PMPCB: variants seen among roughly 807,000 people sequenced by gnomAD.
PMPCB encodes mitochondrial-processing peptidase subunit beta.
In PMPCB, 46 loss-of-function variants were observed where a neutral mutation model predicts 61.5. The ratio of observed to expected loss-of-function variants is 0.75; its 90% CI spans 0.59 to 0.96. The LOEUF (loss-of-function observed/expected upper bound fraction) is 0.96. Among genes scored for constraint, PMPCB ranks in the 40% least tolerant of loss-of-function variants. The pLI is 0.00. For synonymous variants in PMPCB, 191 were observed against 201.6 expected, an observed-to-expected ratio of 0.95 and a Z score of 0.44; for missense variants, 590 against 602.4, an observed-to-expected ratio of 0.98 and a Z score of 0.22.
chr7:103,326,720 C>G, intron 12 of PMPCB: 1 of 1,561,640 alleles, frequency 6.4e-7, no homozygotes, highest in Non-Finnish European at 8.6e-7. Flanking sequence ...ATCACCATAA[C>G]TTTACCTATT....
chr7:103,330,292 AT>A (rs943691004), downstream of PMPCB, among the ~76,000 whole-genome samples: 32 of 147,858 alleles, frequency 2.2e-4, no homozygotes, highest in Non-Finnish European at 2.0e-4. Flanking sequence ...TTGTTATTTT[AT>A]TTTTTTTTTT....
intron 12 of PMPCB, chr7:103,327,278 T>C: frequency 9.6e-6 from 10 of 1,042,248 alleles, no homozygotes; most frequent in Non-Finnish European, 1.3e-5. Context: ...ATAAAGCATC[T>C]GAAACGAAAA....
At chr7:103,326,168 G>T (rs1818695106) in intron 12 of PMPCB, among the ~76,000 whole-genome samples, 1 of 151,948 alleles carries the variant, frequency 6.6e-6, no homozygotes, top group African/African-American at 2.4e-5. Context: ...AGTAGAGACA[G>T]GGTTTCACCA....
chr7:103,297,733 T>C (rs528959448), intron 1 of PMPCB, 175 bp downstream of exon 1: 4 of 1,534,168 alleles, frequency 2.6e-6, no homozygotes, highest in East Asian at 4.9e-5. Flanking sequence ...GACTGGCTTG[T>C]GGCCACCCGC....
At chr7:103,329,046 C>T (rs533650965) in exon 13 of PMPCB, 40 of 1,198,474 alleles carry the variant, frequency 3.3e-5, no homozygotes, top group South Asian at 2.1e-4. Flanking sequence ...AGCCACAGTA[C>T]GTCTAATTAT....
chr7:103,329,030 A>G, exon 13 of PMPCB: 1 of 1,256,312 alleles, frequency 8.0e-7, no homozygotes, highest in Non-Finnish European at 1.0e-6. Flanking sequence ...CTTTTACCAC[A>G]GCCTCAGCCA....
chr7:103,317,154 A>G, downstream of PMPCB: 1 of 710,872 alleles, frequency 1.4e-6, no homozygotes, highest in Non-Finnish European at 2.3e-6. Context: ...GCCAACCCAA[A>G]AAGAAGCACC....
At chr7:103,318,799 TA>T (rs1222345027), downstream of PMPCB, among the ~76,000 whole-genome samples, 1 of 152,212 alleles carries the variant, frequency 6.6e-6, no homozygotes, top group Non-Finnish European at 1.5e-5. Context: ...TCAAAACAAT[TA>T]TTTTTTTCTA....
At chr7:103,339,924 C>T in the PMPCB span, among the ~76,000 whole-genome samples, 5 of 152,166 alleles carry the variant, frequency 3.3e-5, no homozygotes, top group African/African-American at 9.7e-5. Context: ...CAGCAACCTC[C>T]ACCTCCTGAG....
chr7:103,334,051 C>T (rs564114477), downstream of PMPCB, among the ~76,000 whole-genome samples: 2 of 151,670 alleles, frequency 1.3e-5, no homozygotes, highest in East Asian at 3.9e-4. Context: ...CCCGGGTTCA[C>T]GCCATTCTGC....
Position 103,312,990 on chromosome 7 carries a change from G to A in PMPCB, c.*719G>A, listed in dbSNP as rs1487632536. ...GTCCTTCTTTGTCCTGCCAGGCACCGCTTCTGCTATTTTTTCCCATCTTTC... is the reference window on the plus strand; with the variant it reads ...GTCCTTCTTTGTCCTGCCAGGCACCACTTCTGCTATTTTTTCCCATCTTTC... On this transcript the variant is annotated 3_prime_UTR_variant, in exon 13 of 13. Transcript: ENST00000249269. 7 of 1,613,908 alleles carry A rather than the reference G, an allele frequency of 4.3e-6. No individual in the cohort carries two copies. Among genetic ancestry groups the A allele is most frequent in the South Asian group, 2.2e-5 (2 of 91,064 alleles).
rs149328548 is a variant in PMPCB, at chr7:103,301,745, G to T, written c.457+1438G>T. On this transcript the variant is annotated intron_variant, in intron 4 of 12. Transcript: ENST00000249269. ...AGCCTGGTATATGAAGTAATAATTA[G>T]ATGTTTAGACTAATGGTCTCCAGGT... Among the ~76,000 whole-genome samples, 4 of 152,002 alleles carry T rather than the reference G, an allele frequency of 2.6e-5. No individual in the cohort carries two copies. The East Asian group carries it at 7.7e-4, about 29-fold the overall frequency.
In PMPCB at chr7:103,309,094, T is replaced by A; in HGVS notation, c.992T>A (p.Met331Lys). ...GNWDRSFGGG[M>K]NLSSKLAQLT... ...TGGGATCGCTCTTTTGGGGGAGGAA[T>A]GGTAAGTGATTTTAAAAGAAATTTT... Residue 331 changes from methionine (M) to lysine (K), a missense_variant and splice_region_variant, in exon 8 of 13, where the codon ATG becomes AAG. By Grantham distance (95) the Met-to-Lys change is moderately conservative. Transcript: ENST00000249269. 1 of 1,585,342 alleles carries A rather than the reference T, an allele frequency of 6.3e-7. No homozygotes were observed. The highest frequency in any genetic ancestry group is 8.6e-7 in the Non-Finnish European group (1 of 1,167,566).
At chr7:103,342,733 C>T in the PMPCB span, among the ~76,000 whole-genome samples, 1 of 151,560 alleles carries the variant, frequency 6.6e-6, no homozygotes, top group Non-Finnish European at 1.5e-5. Context: ...CTCAGCCTCC[C>T]GAGTAGCTGG....
intron 1 of PMPCB, chr7:103,297,931 C>T (rs1563442924): frequency 2.4e-6 from 3 of 1,262,178 alleles, no homozygotes; most frequent in African/African-American, 1.5e-5. Context: ...GCTGGGCTTC[C>T]CGCGAACCTG....
chr7:103,320,125 G>GTCGCCCAT (rs1413703004), intron 12 of PMPCB, among the ~76,000 whole-genome samples: 1 of 152,140 alleles, frequency 6.6e-6, no homozygotes, highest in East Asian at 1.9e-4. Flanking sequence ...GAGTCTCACT[G>GTCGCCCAT]TCGCCCAGGC....
chr7:103,297,682 C>G (rs947043545), intron 1 of PMPCB, 124 bp downstream of exon 1: 1 of 1,539,582 alleles, frequency 6.5e-7, no homozygotes, highest in Admixed American at 2.0e-5. Flanking sequence ...CCGGACCCGC[C>G]GGGCGCCAGG....
At chr7:103,339,201 A>G in the PMPCB span, among the ~76,000 whole-genome samples, 572 of 152,346 alleles carry the variant, frequency 3.8e-3, 4 homozygotes, top group African/African-American at 0.014. Context: ...AGCTGTGTGT[A>G]AGCAGTAATA....
the PMPCB span, chr7:103,344,453 G>A: frequency 1.5e-6 from 2 of 1,304,530 alleles, no homozygotes; most frequent in Non-Finnish European, 2.2e-6. Flanking sequence ...CGGCCCCGGG[G>A]CTAGTCGCCA....
Sources: allele counts gnomAD v4.1 joint callset (sites outside exome capture counted in the v4.1 genomes callset), GRCh38; gene constraint gnomAD v4.1.1; transcripts MANE v1.5; gene names NCBI Gene and HGNC (gene_info 2026-07-23, HGNC 2026-07-21).